Variants in RGL1 observed in about 807,000 individuals in gnomAD.
The protein encoded by RGL1 is ral guanine nucleotide dissociation stimulator like 1.
Under a neutral mutation model 95.2 loss-of-function variants are expected in RGL1, and 24 were observed. The ratio of observed to expected loss-of-function variants is 0.25; its 90% CI spans 0.18 to 0.35. The LOEUF (loss-of-function observed/expected upper bound fraction) is 0.35. Among genes scored for constraint, RGL1 ranks in the 10% least tolerant of loss-of-function variants. The probability of loss-of-function intolerance (pLI) is 1.00; values close to 1 mark genes in which losing one functional copy is unlikely to be tolerated. For missense variants in RGL1, 715 were observed against 936.3 expected (o/e 0.76, Z 3.08); for synonymous variants, 329 against 344.9 (o/e 0.95, Z 0.51).
intron 5 of RGL1, among the ~76,000 whole-genome samples, chr1:183,882,324 A>T (rs768916459): frequency 5.9e-5 from 9 of 152,234 alleles, no homozygotes; most frequent in Admixed American, 5.9e-4. Flanking sequence ...AAGCCTTAGC[A>T]CATACCCTGC....
chr1:183,838,389 G>GA (rs1231911344), intron 2 of RGL1, among the ~76,000 whole-genome samples: 1 of 152,136 alleles, frequency 6.6e-6, no homozygotes, highest in Non-Finnish European at 1.5e-5. Context: ...GGCAAAGGGG[G>GA]ATGGGATTTC....
chr1:183,779,183 C>CCTTCCTTCCTTCCTTG (rs1467651732), intron 2 of RGL1, among the ~76,000 whole-genome samples: 12 of 139,510 alleles, frequency 8.6e-5, no homozygotes, highest in Admixed American at 1.4e-4. Flanking sequence ...TTCCTTCCTT[C>CCTTCCTTCCTTCCTTG]CTTCCTTCCT....
intron 1 of RGL1, among the ~76,000 whole-genome samples, chr1:183,712,505 G>A (rs1356670493): frequency 6.6e-6 from 1 of 152,174 alleles, no homozygotes; most frequent in Non-Finnish European, 1.5e-5. Context: ...GAGTGTGTGT[G>A]TGTGCACGTG....
At chr1:183,747,178 G>A (rs911167555) in intron 2 of RGL1, among the ~76,000 whole-genome samples, 1 of 152,094 alleles carries the variant, frequency 6.6e-6, no homozygotes, top group Non-Finnish European at 1.5e-5. Flanking sequence ...CCAAGTAATG[G>A]GATTGCTGGG....
At chr1:183,699,704 G>A (rs1654467977) in intron 1 of RGL1, among the ~76,000 whole-genome samples, 1 of 151,910 alleles carries the variant, frequency 6.6e-6, no homozygotes, top group Admixed American at 6.6e-5. Context: ...TTTTAGCCCT[G>A]ATTGGAATGT....
intron 1 of RGL1, among the ~76,000 whole-genome samples, chr1:183,675,011 A>G (rs921979093): frequency 6.6e-6 from 1 of 152,230 alleles, no homozygotes; most frequent in Non-Finnish European, 1.5e-5. Flanking sequence ...AACCCTGCTG[A>G]AAGCTATTTT....
At chr1:183,774,816 C>T (rs989176416) in intron 2 of RGL1, among the ~76,000 whole-genome samples, 7 of 152,034 alleles carry the variant, frequency 4.6e-5, no homozygotes, top group South Asian at 4.2e-4. Context: ...CCTCGTAATC[C>T]GCCCGCCTCA....
intron 2 of RGL1, among the ~76,000 whole-genome samples, chr1:183,842,413 A>C (rs1194218395): frequency 6.6e-6 from 1 of 151,830 alleles, no homozygotes; most frequent in African/African-American, 2.4e-5. Context: ...TTTTTCCATG[A>C]CTGGAAACGG....
chr1:183,900,054 G>C, intron 10 of RGL1, 96 bp from the exon 11 acceptor site: 1 of 887,982 alleles, frequency 1.1e-6, no homozygotes, highest in Non-Finnish European at 1.9e-6. Flanking sequence ...CCGCAGTTAG[G>C]CCTTGAATAC....
At chr1:183,903,472 G>A (rs1668142528) in intron 12 of RGL1, among the ~76,000 whole-genome samples, 1 of 152,182 alleles carries the variant, frequency 6.6e-6, no homozygotes, top group African/African-American at 2.4e-5. Flanking sequence ...AGGAAAATGA[G>A]TGAGCAAAAT....
chr1:183,657,687 T>C (rs1265270510), intron 1 of RGL1, among the ~76,000 whole-genome samples: 1 of 151,158 alleles, frequency 6.6e-6, no homozygotes, highest in Non-Finnish European at 1.5e-5. Context: ...ATCCAGTCTA[T>C]CGTTGTTGGA....
At chr1:183,779,409 C>T (rs935866443) in intron 2 of RGL1, among the ~76,000 whole-genome samples, 2 of 151,950 alleles carry the variant, frequency 1.3e-5, no homozygotes, top group Non-Finnish European at 2.9e-5. Context: ...CCACCTCGCC[C>T]AGCTAATTTT....
intron 2 of RGL1, among the ~76,000 whole-genome samples, chr1:183,846,137 C>T (rs1281411338): frequency 1.3e-5 from 2 of 152,158 alleles, no homozygotes; most frequent in African/African-American, 2.4e-5. Context: ...AGACTTGGAA[C>T]CAACCCAAAT....
chr1:183,895,657 A>C (rs529714824), intron 9 of RGL1, among the ~76,000 whole-genome samples: 4 of 152,256 alleles, frequency 2.6e-5, no homozygotes, highest in Admixed American at 6.5e-5. Flanking sequence ...ACCTATGAAA[A>C]CTTTCAAGAA....
At chr1:183,645,078 C>T (rs1650191495) in intron 1 of RGL1, among the ~76,000 whole-genome samples, 1 of 152,168 alleles carries the variant, frequency 6.6e-6, no homozygotes, top group Admixed American at 6.5e-5. Flanking sequence ...AATCTGATAG[C>T]ACTAAACATT....
intron 2 of RGL1, among the ~76,000 whole-genome samples, chr1:183,809,981 A>G (rs952741519): frequency 1.3e-5 from 2 of 152,170 alleles, no homozygotes; most frequent in Non-Finnish European, 2.9e-5. Context: ...AATTTCACCC[A>G]GACATTCACT....
At chr1:183,645,693 C>G (rs75680157) in intron 1 of RGL1, among the ~76,000 whole-genome samples, 4 of 152,208 alleles carry the variant, frequency 2.6e-5, no homozygotes. Flanking sequence ...GGAACTATTG[C>G]TTTGCTATAT....
At chr1:183,754,832 T>G (rs369231403) in intron 2 of RGL1, 6 of 152,156 alleles carry the variant, frequency 3.9e-5, no homozygotes, top group African/African-American at 1.4e-4. Flanking sequence ...GAAAACAAAG[T>G]TTAAATTTAC....
chr1:183,682,528 G>A (rs1349550684), intron 1 of RGL1, among the ~76,000 whole-genome samples: 2 of 152,204 alleles, frequency 1.3e-5, no homozygotes, highest in East Asian at 3.8e-4. Flanking sequence ...TGTGTTCTGA[G>A]AGACTGTTTT....
Sources: allele counts gnomAD v4.1 joint callset (sites outside exome capture counted in the v4.1 genomes callset), GRCh38; gene constraint gnomAD v4.1.1; transcripts MANE v1.5; gene names NCBI Gene and HGNC (gene_info 2026-07-23, HGNC 2026-07-21).